Variants in VWA5B1 observed in about 807,000 individuals in gnomAD.
VWA5B1 encodes the protein von Willebrand factor A domain-containing protein 5B1.
In VWA5B1, 115 loss-of-function variants were observed where a neutral mutation model predicts 118.2. The ratio of observed to expected loss-of-function variants is 0.97; its 90% confidence interval spans 0.84 to 1.14. VWA5B1 has a LOEUF of 1.14. Among genes scored for constraint, VWA5B1 ranks in the 50% most tolerant of loss-of-function variants. The pLI is 0.00. For missense variants in VWA5B1, 1,596 were observed against 1,603.8 expected, an observed-to-expected ratio of 1.00 and a Z score of 0.08; for synonymous variants, 682 against 658.4, an observed-to-expected ratio of 1.04 and a Z score of -0.55.
At chr1:20,295,108 G>C (rs12038079) in intron 1 of VWA5B1, among the ~76,000 whole-genome samples, 17,917 of 152,098 alleles carry the variant, frequency 0.12, 1,760 homozygotes, top group East Asian at 0.54. Context: ...GTGGGGAAAG[G>C]CTTCAGGGAG....
At chr1:20,337,318 G>T (rs2089746126) in intron 13 of VWA5B1, among the ~76,000 whole-genome samples, 1 of 152,072 alleles carries the variant, frequency 6.6e-6, no homozygotes, top group Admixed American at 6.6e-5. Context: ...TGTAGAGACA[G>T]GGTTTCGCCA....
At chr1:20,297,797 C>CT (rs1263552222) in intron 1 of VWA5B1, among the ~76,000 whole-genome samples, 1 of 152,192 alleles carries the variant, frequency 6.6e-6, no homozygotes, top group South Asian at 2.1e-4. Context: ...AAGCTCTGCC[C>CT]TGGGAGCTCC....
At chr1:20,317,816 A>G (rs2089069150) in intron 5 of VWA5B1, 141 bp downstream of exon 5, 8 of 1,138,102 alleles carry the variant, frequency 7.0e-6, no homozygotes, top group Non-Finnish European at 9.5e-6. Flanking sequence ...GTGGACCCCC[A>G]TTTCCCATGG....
rs1000027948 is a variant in VWA5B1 at position 20,344,085 on chromosome 1, C to T, written c.2626+692C>T. Among the ~76,000 whole-genome samples, 3 of 150,318 alleles carry T rather than the reference C, an allele frequency of 2.0e-5. No individual in the cohort carries two copies. The South Asian group carries it at 6.5e-4, about 32-fold the overall frequency. ...TCACACCCGTCCACCCACCAACACA[C>T]GCATAGCCCAGGGCTCCATTCCATT... On this transcript the variant is annotated intron_variant, in intron 16 of 21. Transcript: ENST00000289815.
intron 7 of VWA5B1, among the ~76,000 whole-genome samples, chr1:20,321,606 A>G (rs1020708550): frequency 6.6e-6 from 1 of 152,198 alleles, no homozygotes; most frequent in Non-Finnish European, 1.5e-5. Context: ...ATAAAAAAGC[A>G]AATCAATGAG....
At position 20,330,011 on chromosome 1, in the gene VWA5B1, A is replaced by G. The variant is rs992817130; in HGVS notation, c.1255-169A>G. 2.1e-4 allele frequency among the ~76,000 whole-genome samples: 32 copies of G among 152,324 alleles called. 1 individual carries two copies. Among genetic ancestry groups the G allele is most frequent in the Admixed American group, 2.0e-3 (31 of 15,310 alleles). ...GTGCTGTTGAGCAGGATGACACCAA[A>G]TGAGTGGCCACCCATTCTTCCTGTG... On this transcript the variant is annotated intron_variant, in intron 9 of 21. Transcript: ENST00000289815.
In VWA5B1 at chr1:20,348,991, G is replaced by C. The variant is rs367885417; in HGVS notation, c.2878+633G>C. The C allele has an allele frequency of 8.8e-5, 21 of 237,314 alleles. 1 individual carries two copies. The South Asian group carries it at 1.0e-3, about 11-fold the overall frequency. The allele number at this position is 237,314 out of a possible 1,614,324, so 14.7% of individuals were successfully genotyped here. On this transcript the variant is annotated intron_variant, in intron 18 of 21. Coordinates refer to ENST00000289815, the MANE Select transcript of VWA5B1 (RefSeq NM_001039500.3). ...CTAACCCCTTTCTAGGTTCCCTCAC[G>C]TGCACAGGGAGGATCTCCTGCCTTT...
rs2088826963 is a variant in VWA5B1, at chr1:20,310,805, C to T, written c.139+65C>T. 4 of 1,452,086 alleles carry T rather than the reference C, an allele frequency of 2.8e-6. No individual in the cohort carries two copies. The South Asian group carries it at 5.9e-5, about 21-fold the overall frequency. The allele number at this position is 1,452,086 out of a possible 1,614,324, so 90.0% of individuals were successfully genotyped here. ...CCTCCACAGTGAATCCCTGTTTTGA[C>T]ATTTACTCGCTGACTGACCTTAGGC... is the stretch of plus-strand genomic sequence containing the variant. On this transcript the variant is annotated intron_variant, in intron 2 of 21. Coordinates refer to ENST00000289815, the MANE Select transcript of VWA5B1 (RefSeq NM_001039500.3).
chr1:20,336,602 A>G, intron 13 of VWA5B1, 116 bp downstream of exon 13: 1 of 1,141,534 alleles, frequency 8.8e-7, no homozygotes, highest in Non-Finnish European at 1.1e-6. Flanking sequence ...GTACTGTTAT[A>G]CCCACTTTAC....
In VWA5B1 at chr1:20,342,626, T is replaced by G; in HGVS notation, c.2311+17T>G. Reference sequence around the variant, plus strand: ...GAGATCTGGGTAAGTGACCACAGGGTCCAGGACCCAACTGGGGACAGGGAG... The same window carrying G: ...GAGATCTGGGTAAGTGACCACAGGGGCCAGGACCCAACTGGGGACAGGGAG... On this transcript the variant is annotated intron_variant, in intron 15 of 21. Coordinates refer to ENST00000289815, the MANE Select transcript of VWA5B1 (RefSeq NM_001039500.3). 6.9e-7 allele frequency: 1 copy of G among 1,456,812 alleles called. No homozygotes were observed. The highest frequency in any genetic ancestry group is 9.1e-7 in the Non-Finnish European group (1 of 1,103,326). The allele number at this position is 1,456,812 out of a possible 1,614,324, so 90.2% of individuals were successfully genotyped here.
intron 4 of VWA5B1, among the ~76,000 whole-genome samples, chr1:20,315,610 C>A (rs1183080311): frequency 1.3e-5 from 2 of 152,192 alleles, no homozygotes; most frequent in Non-Finnish European, 2.9e-5. Context: ...ATGAAGGGTG[C>A]AAGCCATGGA....
chr1:20,327,014 C>A (rs2089406754), intron 8 of VWA5B1, among the ~76,000 whole-genome samples: 1 of 152,022 alleles, frequency 6.6e-6, no homozygotes. Context: ...CCATCGTCAC[C>A]ATCATGATCA....
intron 10 of VWA5B1, 115 bp downstream of exon 10, chr1:20,330,497 CA>C: frequency 7.9e-7 from 1 of 1,264,928 alleles, no homozygotes; most frequent in Non-Finnish European, 1.1e-6. Flanking sequence ...CCACAATTCC[CA>C]AAGGGCTTTG....
At chr1:20,343,549 C>G (rs2089937707) in intron 16 of VWA5B1, among the ~76,000 whole-genome samples, 156 bp downstream of exon 16, 1 of 146,422 alleles carries the variant, frequency 6.8e-6, no homozygotes, top group African/African-American at 2.5e-5. Flanking sequence ...CCCCTCCTCA[C>G]AGCCCCGCCC....
chr1:20,339,530 A>C (rs115363546), intron 14 of VWA5B1, among the ~76,000 whole-genome samples: 2,314 of 152,238 alleles, frequency 0.015, 57 homozygotes, highest in African/African-American at 0.051. Flanking sequence ...AGACAGAGAG[A>C]GAGATCCTGT....
intron 7 of VWA5B1, among the ~76,000 whole-genome samples, chr1:20,321,794 T>C (rs891479088): frequency 6.6e-6 from 1 of 152,070 alleles, no homozygotes; most frequent in African/African-American, 2.4e-5. Context: ...AGAACAATGG[T>C]GACCTTTTTG....
rs762887442 is a variant in VWA5B1, at chr1:20,330,285, C to A, written c.1360C>A (p.Arg454=). 6.4e-7 allele frequency: 1 copy of A among 1,551,780 alleles called. No individual in the cohort carries two copies. Among genetic ancestry groups the A allele is most frequent in the South Asian group, 1.2e-5 (1 of 84,058 alleles). Reference sequence around the variant, plus strand: ...GTGGGTCATCAGGCAGCCAGTGCACCGAGGCCACCCGCGGCTCCTCTTCGT... The same window carrying A: ...GTGGGTCATCAGGCAGCCAGTGCACAGAGGCCACCCGCGGCTCCTCTTCGT... ...LKWVIRQPVH[R]GHPRLLFVIT... is the part of the protein sequence containing the mutation. The change falls in exon 10 of 22, where the codon CGA becomes AGA. Residue 454 remains arginine, a synonymous_variant. Transcript: ENST00000289815.
chr1:20,333,651 G>A (rs747865702), intron 12 of VWA5B1, among the ~76,000 whole-genome samples: 11 of 152,320 alleles, frequency 7.2e-5, no homozygotes, highest in South Asian at 2.1e-4. Context: ...TCTAGTAAGC[G>A]CGTATCTCCT....
chr1:20,312,788 G>A (rs966355340), intron 2 of VWA5B1, 48 bp from the exon 3 acceptor site: 8 of 1,509,586 alleles, frequency 5.3e-6, no homozygotes, highest in East Asian at 5.0e-5. Flanking sequence ...CAAGGGGTGT[G>A]CAGGGTAGGC....
Sources: gnomAD v4.1 joint callset for allele counts (sites outside exome capture counted in the v4.1 genomes callset) on GRCh38, gnomAD v4.1.1 for gene constraint, MANE v1.5 for transcripts, NCBI Gene and HGNC (gene_info 2026-07-23, HGNC 2026-07-21) for gene names.